The following SAMD12 variants were observed in gnomAD, a reference collection of about 807,000 sequenced individuals.
The protein encoded by SAMD12 is sterile alpha motif domain containing 12.
A neutral mutation model predicts 15.0 loss-of-function variants in SAMD12; 9 were observed. The ratio of observed to expected loss-of-function variants is 0.60; its 90% CI spans 0.36 to 1.05. The LOEUF (loss-of-function observed/expected upper bound fraction) is 1.05. SAMD12 is among the 50% of genes least tolerant of loss of function. The probability of loss-of-function intolerance (pLI) is 0.01; values close to 1 mark genes in which losing one functional copy is unlikely to be tolerated. For missense variants in SAMD12, 230 were observed against 234.2 expected (o/e 0.98, Z 0.12); for synonymous variants, 86 against 90.1 (o/e 0.96, Z 0.25).
intron 4 of SAMD12, among the ~76,000 whole-genome samples, chr8:118,212,123 T>C (rs1036417836): frequency 1.3e-5 from 2 of 151,862 alleles, no homozygotes; most frequent in Non-Finnish European, 2.9e-5. Context: ...CAAGATACAT[T>C]TTTTTCAAAA....
chr8:118,598,102 A>G (rs1827768231), intron 1 of SAMD12, among the ~76,000 whole-genome samples: 1 of 152,194 alleles, frequency 6.6e-6, no homozygotes, highest in African/African-American at 2.4e-5. Context: ...TTAAGGTCCG[A>G]TAAATGTATG....
intron 3 of SAMD12, among the ~76,000 whole-genome samples, chr8:118,393,950 C>CA (rs1484056687): frequency 6.6e-6 from 1 of 152,114 alleles, no homozygotes; most frequent in Non-Finnish European, 1.5e-5. Flanking sequence ...TGTAGCACTT[C>CA]AAGTGAAGTT....
intron 4 of SAMD12, among the ~76,000 whole-genome samples, chr8:118,351,600 T>A (rs1318717822): frequency 6.6e-6 from 1 of 152,156 alleles, no homozygotes; most frequent in Admixed American, 6.5e-5. Context: ...GTTATGTATG[T>A]GTATGTAGGA....
chr8:118,577,455 T>C (rs1827181658), intron 2 of SAMD12, among the ~76,000 whole-genome samples: 1 of 152,144 alleles, frequency 6.6e-6, no homozygotes, highest in Non-Finnish European at 1.5e-5. Context: ...GACTCTAGCA[T>C]TGCCTGTTAA....
At position 118,337,001 on chromosome 8, in the gene SAMD12, G is replaced by T. The variant is rs577295942; in HGVS notation, c.433+42559C>A. ...ACAGGGTGGGGAACATCACACACTG[G>T]GTCCTGTAGTGGAATGGGAGAAGGG... On this transcript the variant is annotated intron_variant, in intron 4 of 4. Coordinates refer to the SAMD12 transcript ENST00000409003. Among the ~76,000 whole-genome samples, 3 of 152,198 alleles carry T rather than the reference G, an allele frequency of 2.0e-5. No individual in the cohort carries two copies. The East Asian group carries it at 5.8e-4, about 29-fold the overall frequency.
intron 2 of SAMD12, among the ~76,000 whole-genome samples, chr8:118,485,205 AC>A (rs77576547): frequency 0.12 from 17,561 of 152,026 alleles, 1,262 homozygotes; most frequent in Non-Finnish European, 0.15. Flanking sequence ...GTTTGCAAAG[AC>A]CCCCACCTTC....
chr8:118,434,561 G>C (rs1182168284), intron 3 of SAMD12, among the ~76,000 whole-genome samples: 1 of 152,160 alleles, frequency 6.6e-6, no homozygotes, highest in Non-Finnish European at 1.5e-5. Flanking sequence ...ACCACCACAG[G>C]AAGAAACTTC....
At chr8:118,292,802 C>T (rs539929217) in intron 4 of SAMD12, among the ~76,000 whole-genome samples, 21 of 149,930 alleles carry the variant, frequency 1.4e-4, no homozygotes, top group African/African-American at 4.9e-4. Flanking sequence ...ATCGCAAGAA[C>T]AAAAAACCAA....
intron 4 of SAMD12, among the ~76,000 whole-genome samples, chr8:118,297,442 C>T (rs1814772368): frequency 6.6e-6 from 1 of 152,160 alleles, no homozygotes; most frequent in Non-Finnish European, 1.5e-5. Context: ...AATAGAGACA[C>T]CACCTTCCGA....
At chr8:118,330,396 C>T (rs975570804) in intron 4 of SAMD12, among the ~76,000 whole-genome samples, 2 of 152,134 alleles carry the variant, frequency 1.3e-5, no homozygotes, top group Non-Finnish European at 2.9e-5. Flanking sequence ...ATGCAGATCA[C>T]AGCTTAAGAG....
intron 2 of SAMD12, among the ~76,000 whole-genome samples, chr8:118,561,271 A>G (rs1395347034): frequency 6.6e-6 from 1 of 152,368 alleles, no homozygotes; most frequent in Non-Finnish European, 1.5e-5. Flanking sequence ...TGGTGAAAAC[A>G]AATTTTTAAG....
chr8:118,302,443 G>A (rs1276413977), intron 4 of SAMD12, among the ~76,000 whole-genome samples: 4 of 152,114 alleles, frequency 2.6e-5, no homozygotes, highest in African/African-American at 9.7e-5. Flanking sequence ...GGAGAATAAC[G>A]AGAGGATATA....
At chr8:118,301,219 T>C (rs1364062868) in intron 4 of SAMD12, among the ~76,000 whole-genome samples, 1 of 152,152 alleles carries the variant, frequency 6.6e-6, no homozygotes, top group Admixed American at 6.5e-5. Context: ...GGTCACTAGA[T>C]GTGAATAACT....
At chr8:118,608,335 A>G (rs1828028708) in intron 1 of SAMD12, among the ~76,000 whole-genome samples, 1 of 151,776 alleles carries the variant, frequency 6.6e-6, no homozygotes, top group Non-Finnish European at 1.5e-5. Flanking sequence ...GTCTACTACC[A>G]CTGGCTGTCT....
At chr8:118,441,740 A>T (rs1822770187) in intron 2 of SAMD12, among the ~76,000 whole-genome samples, 1 of 152,120 alleles carries the variant, frequency 6.6e-6, no homozygotes. Flanking sequence ...CCATTTCAGC[A>T]GGGTTATGTG....
chr8:118,427,847 C>G (rs1822278501), intron 3 of SAMD12, among the ~76,000 whole-genome samples: 1 of 152,118 alleles, frequency 6.6e-6, no homozygotes, highest in Non-Finnish European at 1.5e-5. Context: ...TCATAAGAAA[C>G]TTGACATTTT....
At chr8:118,169,143 C>T in the SAMD12 span, among the ~76,000 whole-genome samples, 1 of 152,166 alleles carries the variant, frequency 6.6e-6, no homozygotes, top group Non-Finnish European at 1.5e-5. Context: ...CCTCAAACCA[C>T]AGCATCATGC....
chr8:118,577,427 A>G (rs1382622107), intron 2 of SAMD12, among the ~76,000 whole-genome samples: 1 of 152,206 alleles, frequency 6.6e-6, no homozygotes, highest in African/African-American at 2.4e-5. Context: ...ATCCTCCCCC[A>G]ATCCACATAT....
At chr8:118,557,431 G>C (rs1207095825) in intron 2 of SAMD12, among the ~76,000 whole-genome samples, 1 of 152,154 alleles carries the variant, frequency 6.6e-6, no homozygotes, top group African/African-American at 2.4e-5. Flanking sequence ...GACTAATACA[G>C]GGGACATTTA....
Sources: allele counts gnomAD v4.1 joint callset (sites outside exome capture counted in the v4.1 genomes callset), GRCh38; gene constraint gnomAD v4.1.1; transcripts MANE v1.5; gene names NCBI Gene and HGNC (gene_info 2026-07-23, HGNC 2026-07-21).